SCUBE1: variants seen among roughly 807,000 people sequenced by gnomAD.
SCUBE1 encodes signal peptide, CUB domain and EGF like domain containing 1, also known as signal peptide, CUB and EGF-like domain-containing protein 1.
A neutral mutation model predicts 124.4 loss-of-function variants in SCUBE1; 59 were observed. The observed-to-expected ratio is 0.47, with a 90% CI of 0.38 to 0.59. SCUBE1 has a LOEUF of 0.59. Ranked by LOEUF, SCUBE1 falls within the 20% of genes least tolerant of loss-of-function variation. The pLI, the probability that SCUBE1 is intolerant of heterozygous loss-of-function variation, is 0.00. For missense variants in SCUBE1, 1,150 were observed against 1,371.2 expected (o/e 0.84, Z 2.55); for synonymous variants, 545 against 550.9 (o/e 0.99, Z 0.15).
chr22:43,323,101 A>G (rs994048251), intron 2 of SCUBE1, among the ~76,000 whole-genome samples: 8 of 152,168 alleles, frequency 5.3e-5, no homozygotes, highest in Admixed American at 5.2e-4. Context: ...GTCATTGACA[A>G]AATGCTTTAT....
rs549924496 is a variant in SCUBE1 at position 43,266,058 on chromosome 22, G to A, written c.485-3213C>T. Reference sequence around the variant, plus strand: ...GGAGGCTGCAGTGAGCTGAGATTGCGCCATTGCACTGCAGCCAGGGCGACA... The same window carrying A: ...GGAGGCTGCAGTGAGCTGAGATTGCACCATTGCACTGCAGCCAGGGCGACA... On this transcript the variant is annotated intron_variant, in intron 4 of 21. Transcript: ENST00000360835. Among the ~76,000 whole-genome samples the A allele has an allele frequency of 3.9e-5, 6 of 152,212 alleles. No individual in the cohort carries two copies. The South Asian group carries it at 8.3e-4, about 21-fold the overall frequency.
At chr22:43,204,248 G>T in intron 21 of SCUBE1, 99 bp from the exon 22 acceptor site, 3 of 1,036,238 alleles carry the variant, frequency 2.9e-6, no homozygotes, top group Non-Finnish European at 4.4e-6. Flanking sequence ...GCGCTGGCTG[G>T]TGGGTTTCAG....
intron 2 of SCUBE1, among the ~76,000 whole-genome samples, chr22:43,326,471 C>T (rs564921254): frequency 1.2e-4 from 19 of 152,250 alleles, no homozygotes; most frequent in African/African-American, 4.6e-4. Context: ...AAGCCCCTGT[C>T]TCCGGTGGCT....
Position 43,255,039 on chromosome 22 carries a change from C to T in SCUBE1, c.727+3180G>A, listed in dbSNP as rs984561937. Among the ~76,000 whole-genome samples the T allele has an allele frequency of 4.6e-5, 7 of 152,174 alleles. No individual in the cohort carries two copies. The highest frequency in any genetic ancestry group is 1.4e-4 in the African/African-American group (6 of 41,430). Reference sequence around the variant, plus strand: ...GGGTAAGGACTCTCCTGCCCTGACCCGTCTACTCAAATGCCCTCTTTTGTG... The same window carrying T: ...GGGTAAGGACTCTCCTGCCCTGACCTGTCTACTCAAATGCCCTCTTTTGTG... On this transcript the variant is annotated intron_variant, in intron 6 of 21. Transcript: ENST00000360835. The surrounding 1 kb of genome is among the most constrained non-coding windows in gnomAD (Gnocchi z 4.7).
At chr22:43,237,156 G>A (rs1054727800) in intron 7 of SCUBE1, among the ~76,000 whole-genome samples, 10 of 152,210 alleles carry the variant, frequency 6.6e-5, no homozygotes, top group African/African-American at 2.2e-4. Flanking sequence ...ACTCCTGAGC[G>A]CCACCCTACC....
chr22:43,280,726 T>C (rs1221897017), intron 4 of SCUBE1, among the ~76,000 whole-genome samples: 1 of 62,476 alleles, frequency 1.6e-5, no homozygotes, highest in South Asian at 6.0e-4. Flanking sequence ...CACCCTCCTG[T>C]CACCTTCCTC....
chr22:43,326,422 A>G lies in SCUBE1; in HGVS notation c.221-6357T>C, dbSNP rs189096678. Among the ~76,000 whole-genome samples the G allele has an allele frequency of 5.4e-3, 820 of 152,146 alleles. 5 individuals carry two copies. The highest frequency in any genetic ancestry group is 7.6e-3 in the Non-Finnish European group (519 of 67,996). On this transcript the variant is annotated intron_variant, in intron 2 of 21. Transcript: ENST00000360835. The stretch of plus-strand genomic sequence containing the variant: ...CCGGTTTGTTGGCTAATTATGCTCC[A>G]GGGAAGGTAGTTTCTTGGGCTGCCT...
At chr22:43,303,997 C>T (rs1925870659) in intron 3 of SCUBE1, among the ~76,000 whole-genome samples, 1 of 152,226 alleles carries the variant, frequency 6.6e-6, no homozygotes, top group South Asian at 2.1e-4. Flanking sequence ...GGCTCCTCTT[C>T]CATGCCCTCG....
At chr22:43,214,066 C>T in intron 16 of SCUBE1, 24 bp downstream of exon 16, 1 of 752,490 alleles carries the variant, frequency 1.3e-6, no homozygotes, top group South Asian at 1.7e-5. Context: ...CCACCCCCAC[C>T]TCTCCTTCTA....
At chr22:43,275,640 T>A (rs527510543) in intron 4 of SCUBE1, among the ~76,000 whole-genome samples, 2 of 151,256 alleles carry the variant, frequency 1.3e-5, no homozygotes, top group East Asian at 3.9e-4. Flanking sequence ...AGAGAGGAGG[T>A]GAAAGTGCGC....
chr22:43,338,350 G>C (rs1927153478), intron 2 of SCUBE1, among the ~76,000 whole-genome samples: 1 of 152,164 alleles, frequency 6.6e-6, no homozygotes, highest in Non-Finnish European at 1.5e-5. Context: ...AAATCCACCA[G>C]TGTCTGTCCA....
At chr22:43,209,017 A>T (rs1366959770) in intron 19 of SCUBE1, among the ~76,000 whole-genome samples, 1 of 147,988 alleles carries the variant, frequency 6.8e-6, no homozygotes, top group Non-Finnish European at 1.5e-5. Flanking sequence ...GGGGCAGGGG[A>T]ACGGGTGAGG....
chr22:43,241,614 A>T (rs1485300279), intron 6 of SCUBE1, among the ~76,000 whole-genome samples: 1 of 151,484 alleles, frequency 6.6e-6, no homozygotes, highest in Non-Finnish European at 1.5e-5. Flanking sequence ...TGCTACTCCT[A>T]CCTGCCCCAA....
intron 3 of SCUBE1, among the ~76,000 whole-genome samples, chr22:43,306,594 C>G (rs1002764357): frequency 3.9e-5 from 6 of 152,052 alleles, no homozygotes; most frequent in African/African-American, 1.2e-4. Flanking sequence ...GGATGCAATC[C>G]CTGACCTGAA....
At chr22:43,214,435 G>C (rs556780302) in intron 15 of SCUBE1, among the ~76,000 whole-genome samples, 184 bp from the exon 16 acceptor site, 1 of 152,204 alleles carries the variant, frequency 6.6e-6, no homozygotes, top group Non-Finnish European at 1.5e-5. Flanking sequence ...GCAGCCATCT[G>C]TGAGGGCCAT....
intron 3 of SCUBE1, among the ~76,000 whole-genome samples, chr22:43,314,231 G>A (rs753859916): frequency 1.3e-5 from 2 of 152,184 alleles, no homozygotes; most frequent in Admixed American, 6.5e-5. Context: ...GCAGCACAAA[G>A]AATTCCAAAC....
chr22:43,257,570 G>A (rs1436319399), intron 6 of SCUBE1, among the ~76,000 whole-genome samples: 1 of 152,186 alleles, frequency 6.6e-6, no homozygotes, highest in African/African-American at 2.4e-5. Context: ...GTGAGAGACG[G>A]GCTGGGGCAG....
At chr22:43,251,542 A>G (rs1923448875) in intron 6 of SCUBE1, among the ~76,000 whole-genome samples, 1 of 152,160 alleles carries the variant, frequency 6.6e-6, no homozygotes, top group Non-Finnish European at 1.5e-5. Context: ...CGAGGGAGGC[A>G]GCAGAGGTGG....
intron 2 of SCUBE1, among the ~76,000 whole-genome samples, chr22:43,329,213 T>A (rs950555): frequency 0.41 from 62,550 of 151,854 alleles, 15,012 homozygotes; most frequent in African/African-American, 0.66. Context: ...CCACAAACTC[T>A]CGTGCTCCTG....
Sources: allele counts gnomAD v4.1 joint callset (sites outside exome capture counted in the v4.1 genomes callset), GRCh38; gene constraint gnomAD v4.1.1; non-coding constraint Gnocchi (gnomAD v3.1); transcripts MANE v1.5; gene names NCBI Gene and HGNC (gene_info 2026-07-23, HGNC 2026-07-21).